The following PALM2AKAP2 variants were observed in gnomAD, a reference collection of about 807,000 sequenced individuals.
PALM2AKAP2 encodes PALM2-AKAP2 fusion protein.
In PALM2AKAP2, 37 loss-of-function variants were observed where a neutral mutation model predicts 71.5. The ratio of observed to expected loss-of-function variants is 0.52; its 90% confidence interval spans 0.40 to 0.68. The LOEUF (loss-of-function observed/expected upper bound fraction) is 0.68, where lower values mean the gene tolerates loss of function less well. Among genes scored for constraint, PALM2AKAP2 ranks in the 30% least tolerant of loss-of-function variants. The pLI is 0.00. For synonymous variants in PALM2AKAP2, 468 were observed against 478.8 expected, an observed-to-expected ratio of 0.98 and a Z score of 0.29; for missense variants, 1,224 against 1,191.8, an observed-to-expected ratio of 1.03 and a Z score of -0.40.
chr9:110,136,363 C>A (rs750257722), exon 2 of PALM2AKAP2: 1 of 1,614,206 alleles, frequency 6.2e-7, no homozygotes. Context: ...CTGATCACCA[C>A]GAATCCCTGG....
intron 1 of PALM2AKAP2, among the ~76,000 whole-genome samples, chr9:109,757,539 T>C (rs945694764): frequency 4.6e-5 from 7 of 152,108 alleles, no homozygotes; most frequent in South Asian, 2.1e-4. Flanking sequence ...AAGCTGTGCA[T>C]TGCACAACTC....
chr9:109,923,595 A>G, intron 3 of PALM2AKAP2, 140 bp from the exon 4 acceptor site: 5 of 840,712 alleles, frequency 5.9e-6, no homozygotes, highest in Non-Finnish European at 9.0e-6. Flanking sequence ...TGTAATGTAA[A>G]ACCTTGGCCT....
intron 1 of PALM2AKAP2, among the ~76,000 whole-genome samples, chr9:110,065,905 A>C (rs1033472495): frequency 1.3e-5 from 2 of 152,236 alleles, no homozygotes; most frequent in Non-Finnish European, 2.9e-5. Flanking sequence ...AAAAAAATTG[A>C]ATAATGTCCC....
intron 3 of PALM2AKAP2, among the ~76,000 whole-genome samples, chr9:109,888,822 T>C (rs1830024676): frequency 6.6e-6 from 1 of 152,108 alleles, no homozygotes; most frequent in African/African-American, 2.4e-5. Context: ...GCTGGATAGT[T>C]ATTTGTTGTG....
intron 6 of PALM2AKAP2, among the ~76,000 whole-genome samples, chr9:109,965,102 G>T (rs896344378): frequency 4.6e-5 from 7 of 152,160 alleles, no homozygotes; most frequent in Admixed American, 2.0e-4. Flanking sequence ...AGAATCCTCA[G>T]GAAAACAGTA....
At chr9:109,878,327 T>G (rs942852120) in intron 2 of PALM2AKAP2, among the ~76,000 whole-genome samples, 2 of 152,176 alleles carry the variant, frequency 1.3e-5, no homozygotes, top group African/African-American at 2.4e-5. Flanking sequence ...TGCATAGCTG[T>G]TTACGCATAT....
At chr9:110,106,992 G>A (rs1484077300) in intron 1 of PALM2AKAP2, among the ~76,000 whole-genome samples, 1 of 152,116 alleles carries the variant, frequency 6.6e-6, no homozygotes, top group Non-Finnish European at 1.5e-5. Flanking sequence ...TTAGCCCGAT[G>A]GAAGGTTAAG....
At chr9:109,978,681 T>G (rs1234941579) in intron 6 of PALM2AKAP2, among the ~76,000 whole-genome samples, 2 of 152,198 alleles carry the variant, frequency 1.3e-5, no homozygotes, top group African/African-American at 4.8e-5. Flanking sequence ...TGGCTTTCTA[T>G]TTTCTCACTC....
chr9:110,068,555 G>A (rs1666662161), intron 1 of PALM2AKAP2, among the ~76,000 whole-genome samples: 3 of 147,938 alleles, frequency 2.0e-5, no homozygotes, highest in Non-Finnish European at 3.0e-5. Flanking sequence ...TTTGAGACAG[G>A]GTCTCCTTCT....
chr9:109,892,824 G>A (rs925972829), intron 3 of PALM2AKAP2, among the ~76,000 whole-genome samples: 1 of 152,246 alleles, frequency 6.6e-6, no homozygotes, highest in Admixed American at 6.5e-5. Flanking sequence ...TTGGGGAGGG[G>A]TGACTATTAA....
chr9:109,882,981 A>C (rs1174971666), intron 3 of PALM2AKAP2, among the ~76,000 whole-genome samples: 1 of 152,142 alleles, frequency 6.6e-6, no homozygotes, highest in Non-Finnish European at 1.5e-5. Flanking sequence ...ACTGGGAAAC[A>C]TGGTCTTCCA....
At chr9:109,835,946 T>A (rs1478834777) in intron 1 of PALM2AKAP2, among the ~76,000 whole-genome samples, 2 of 152,174 alleles carry the variant, frequency 1.3e-5, no homozygotes, top group Non-Finnish European at 2.9e-5. Flanking sequence ...AGACTCCATC[T>A]CTGGGGGCAG....
upstream of PALM2AKAP2, among the ~76,000 whole-genome samples, chr9:110,048,178 C>T (rs1833633724): frequency 6.6e-6 from 1 of 152,194 alleles, no homozygotes; most frequent in African/African-American, 2.4e-5. Context: ...GGGAGTCGCT[C>T]TGACCCTGAG....
intron 1 of PALM2AKAP2, among the ~76,000 whole-genome samples, chr9:110,088,068 C>T (rs757463632): frequency 7.9e-5 from 12 of 151,946 alleles, no homozygotes; most frequent in African/African-American, 1.9e-4. Context: ...ACAAAATGCA[C>T]AAACAAAGGA....
At chr9:110,108,118 C>G (rs996997016) in intron 1 of PALM2AKAP2, among the ~76,000 whole-genome samples, 1 of 111,228 alleles carries the variant, frequency 9.0e-6, no homozygotes, top group Non-Finnish European at 1.9e-5. Flanking sequence ...TTCTTTTTTT[C>G]TTTTTTTTTT....
chr9:109,877,885 C>A (rs1829754436), intron 2 of PALM2AKAP2, among the ~76,000 whole-genome samples: 1 of 152,184 alleles, frequency 6.6e-6, no homozygotes, highest in South Asian at 2.1e-4. Flanking sequence ...TCAAGAAAAG[C>A]AAAGCAATAA....
Position 109,961,945 on chromosome 9 carries a change from G to A in PALM2AKAP2, c.496+29917G>A, listed in dbSNP as rs1831859491. On this transcript the variant is annotated intron_variant, in intron 6 of 9. Coordinates refer to the PALM2AKAP2 transcript ENST00000302798. The stretch of plus-strand genomic sequence containing the variant: ...ATAGAGACCCACTGGCTTCTGGCCT[G>A]TGCCACTTGCTGCTGCCCACACTCA... 2.0e-5 allele frequency among the ~76,000 whole-genome samples: 3 copies of A among 152,362 alleles called. No individual in the cohort carries two copies. In the South Asian group the frequency reaches 6.2e-4, roughly 32 times the overall value.
At chr9:109,822,047 T>C (rs545382045) in intron 1 of PALM2AKAP2, among the ~76,000 whole-genome samples, 2 of 152,344 alleles carry the variant, frequency 1.3e-5, no homozygotes, top group East Asian at 3.9e-4. Flanking sequence ...AGACTTATCA[T>C]TGCATGTTAC....
At chr9:110,076,971 C>T (rs1007007467) in intron 1 of PALM2AKAP2, among the ~76,000 whole-genome samples, 2 of 152,214 alleles carry the variant, frequency 1.3e-5, no homozygotes, top group African/African-American at 4.8e-5. Context: ...ATGTATACCA[C>T]CCCTGTGGTA....
Sources: gnomAD v4.1 joint callset for allele counts (sites outside exome capture counted in the v4.1 genomes callset) on GRCh38, gnomAD v4.1.1 for gene constraint, MANE v1.5 for transcripts, NCBI Gene and HGNC (gene_info 2026-07-23, HGNC 2026-07-21) for gene names.